The following ITGB1BP1 variants were observed in gnomAD, a reference collection of about 807,000 sequenced individuals.
The protein encoded by ITGB1BP1 is integrin subunit beta 1 binding protein 1.
Under a neutral mutation model 28.0 loss-of-function variants are expected in ITGB1BP1, and 20 were observed. That is an observed-to-expected ratio of 0.71 (90% CI 0.50 to 1.04). The LOEUF (loss-of-function observed/expected upper bound fraction) is 1.04, where lower values mean the gene tolerates loss of function less well. Ranked by LOEUF, ITGB1BP1 falls within the 50% of genes least tolerant of loss-of-function variation. The pLI is 0.00. For synonymous variants in ITGB1BP1, 103 were observed against 89.5 expected (o/e 1.15, Z -0.85); for missense variants, 228 against 242.5 (o/e 0.94, Z 0.40).
chr2:9,420,487 G>C (rs555610721), intron 1 of ITGB1BP1, among the ~76,000 whole-genome samples: 3 of 152,314 alleles, frequency 2.0e-5, no homozygotes, highest in South Asian at 2.1e-4. Context: ...GGAAACCACT[G>C]CTATGAGGAA....
intron 1 of ITGB1BP1, among the ~76,000 whole-genome samples, chr2:9,419,423 GC>G: frequency 6.6e-6 from 1 of 152,246 alleles, no homozygotes; most frequent in African/African-American, 2.4e-5. Flanking sequence ...ACTTGGTAGG[GC>G]TAAGATATAC....
In ITGB1BP1 at chr2:9,405,895, A is replaced by G. The variant is rs1166937311; in HGVS notation, c.*939T>C. ...CTGCTTTGTGTGTCTTAAGTTGGCA[A>G]TGTCACTGTTCCAGACCAGCATGAA... is the stretch of plus-strand genomic sequence containing the variant. On this transcript the variant is annotated 3_prime_UTR_variant, in exon 7 of 7. Coordinates refer to ENST00000355346, the MANE Select transcript of ITGB1BP1 (RefSeq NM_004763.5). 3.3e-5 allele frequency: 5 copies of G among 152,202 alleles called. No homozygotes were observed. Among genetic ancestry groups the G allele is most frequent in the Non-Finnish European group, 7.3e-5 (5 of 68,038 alleles). 9.4% of individuals were successfully genotyped at this position (152,202 alleles called of 1,614,324 possible). A position where few individuals can be genotyped will look rare whatever the true frequency, so the allele number is the denominator to read the frequency against.
At position 9,406,793 on chromosome 2, in the gene ITGB1BP1, T is replaced by G; in HGVS notation, c.*41A>C. 7.4e-7 allele frequency: 1 copy of G among 1,355,718 alleles called. No homozygotes were observed. Among genetic ancestry groups the G allele is most frequent in the Non-Finnish European group, 1.1e-6 (1 of 944,114 alleles). The allele number at this position is 1,355,718 out of a possible 1,614,324, so 84.0% of individuals were successfully genotyped here. On this transcript the variant is annotated 3_prime_UTR_variant, in exon 7 of 7. Transcript: ENST00000355346. ...TTCAGCATTGCAGTTTGAAAACAGC[T>G]GAACTTTCAGATGAAGTTGACTTCT...
chr2:9,418,775 A>AAT, intron 1 of ITGB1BP1, 43 bp from the exon 2 acceptor site: 8 of 1,315,008 alleles, frequency 6.1e-6, no homozygotes, highest in Non-Finnish European at 8.6e-6. Flanking sequence ...GGGAAAAGCA[A>AAT]CTTTTTTTTT....
intron 2 of ITGB1BP1, 22 bp from the exon 3 acceptor site, chr2:9,414,278 A>C (rs1217669519): frequency 1.3e-6 from 2 of 1,595,184 alleles, no homozygotes; most frequent in Non-Finnish European, 1.7e-6. Context: ...AAAAACAAGT[A>C]AAAAACCTCC....
rs1228699625 is a variant in ITGB1BP1, at chr2:9,403,651, G to A, written c.*3183C>T. ...TAAACCTAAAAATGTTTGCATTAAT[G>A]AATAAATTCTTCCTGCATTCCTTGG... On this transcript the variant is annotated 3_prime_UTR_variant, in exon 7 of 7. Coordinates refer to ENST00000355346, the MANE Select transcript of ITGB1BP1 (RefSeq NM_004763.5). 2 of 251,116 alleles carry A rather than the reference G, an allele frequency of 8.0e-6. No individual in the cohort carries two copies. The highest frequency in any genetic ancestry group is 4.5e-5 in the African/African-American group (2 of 44,124). The allele number at this position is 251,116 out of a possible 1,614,324, so 15.6% of individuals were successfully genotyped here. A position where few individuals can be genotyped will look rare whatever the true frequency, so the allele number is the denominator to read the frequency against.
Position 9,406,817 on chromosome 2 carries a change from C to T in ITGB1BP1, c.*17G>A, listed in dbSNP as rs971375897. 6 of 1,571,672 alleles carry T rather than the reference C, an allele frequency of 3.8e-6. No homozygotes were observed. The South Asian group carries it at 4.4e-5, about 12-fold the overall frequency. On this transcript the variant is annotated 3_prime_UTR_variant, in exon 7 of 7. Transcript: ENST00000355346. ...CTGAACTTTCAGATGAAGTTGACTT[C>T]TACTTGATTGCAGGATTCAGGGTTT...
rs996044216 is a variant in ITGB1BP1, at chr2:9,423,463, C to T, written c.-126G>A. On this transcript the variant is annotated 5_prime_UTR_variant, in exon 1 of 7. Coordinates refer to ENST00000355346, the MANE Select transcript of ITGB1BP1 (RefSeq NM_004763.5). ...TGGCGCCCAGGCAGCTACTCCCGTT[C>T]CCGCTCCAGCGCCGGCTTTTCCAGC... 3.5e-5 allele frequency: 41 copies of T among 1,175,504 alleles called. No homozygotes were observed. In the South Asian group the frequency reaches 7.3e-4, roughly 21 times the overall value. 72.8% of individuals were successfully genotyped at this position (1,175,504 alleles called of 1,614,324 possible).
rs1399643058 is a variant in ITGB1BP1 at position 9,423,383 on chromosome 2, C to T, written c.-46G>A. 10 of 1,146,584 alleles carry T rather than the reference C, an allele frequency of 8.7e-6. No individual in the cohort carries two copies. Among genetic ancestry groups the T allele is most frequent in the Non-Finnish European group, 1.1e-5 (10 of 921,496 alleles). 71.0% of individuals were successfully genotyped at this position (1,146,584 alleles called of 1,614,324 possible). Reference sequence around the variant, plus strand: ...GGGCTGGGCGCTCACCTCGCAGCCGCGGGCCCATCCCCGGGTTGCGGACTT... The same window carrying T: ...GGGCTGGGCGCTCACCTCGCAGCCGTGGGCCCATCCCCGGGTTGCGGACTT... On this transcript the variant is annotated 5_prime_UTR_variant, in exon 1 of 7. Transcript: ENST00000355346.
At position 9,412,262 on chromosome 2, in the gene ITGB1BP1, T is replaced by TG. The variant is rs1678528935; in HGVS notation, c.288+6_288+7insC. The stretch of plus-strand genomic sequence containing the variant: ...AACCAGAGAGTTACGGAATTTTTTT[T>TG]TTTTACCTGGGCAACGTCTATATAA... On this transcript the variant is annotated splice_region_variant and intron_variant, in intron 4 of 6. Transcript: ENST00000355346. 6.2e-7 allele frequency: 1 copy of TG among 1,605,116 alleles called. No homozygotes were observed. Among genetic ancestry groups the TG allele is most frequent in the South Asian group, 1.1e-5 (1 of 89,536 alleles).
At chr2:9,422,339 C>A in intron 1 of ITGB1BP1, 1 of 927,776 alleles carries the variant, frequency 1.1e-6, no homozygotes, top group Non-Finnish European at 1.3e-6. Flanking sequence ...CTTTCCACTT[C>A]CATCCTCCAC....
chr2:9,423,108 C>G, intron 1 of ITGB1BP1: 1 of 1,012,682 alleles, frequency 9.9e-7, no homozygotes, highest in Non-Finnish European at 1.2e-6. Context: ...CCCGCGGCCG[C>G]CCGCCTTGCC....
chr2:9,416,000 G>T lies in ITGB1BP1; in HGVS notation c.73-1744C>A, dbSNP rs763822278. Among the ~76,000 whole-genome samples the T allele has an allele frequency of 2.0e-5, 3 of 152,228 alleles. No homozygotes were observed. Among genetic ancestry groups the T allele is most frequent in the Non-Finnish European group, 1.5e-5 (1 of 68,032 alleles). On this transcript the variant is annotated intron_variant, in intron 2 of 6. Transcript: ENST00000355346. The surrounding 1 kb of genome is among the most constrained non-coding windows in gnomAD (Gnocchi z 4.1). ...GACCCTGCGAGACGCCTCCTTCTGTGCTGTGCCTCACCCCGGTCCTGGGAC... is the reference window on the plus strand; with the variant it reads ...GACCCTGCGAGACGCCTCCTTCTGTTCTGTGCCTCACCCCGGTCCTGGGAC...
Position 9,403,667 on chromosome 2 carries a change from C to A in ITGB1BP1, c.*3167G>T. 1 of 229,648 alleles carries A rather than the reference C, an allele frequency of 4.4e-6. No homozygotes were observed. Among genetic ancestry groups the A allele is most frequent in the Non-Finnish European group, 8.6e-6 (1 of 116,752 alleles). 14.2% of individuals were successfully genotyped at this position (229,648 alleles called of 1,614,324 possible). A position where few individuals can be genotyped will look rare whatever the true frequency, so the allele number is the denominator to read the frequency against. On this transcript the variant is annotated 3_prime_UTR_variant, in exon 7 of 7. Coordinates refer to ENST00000355346, the MANE Select transcript of ITGB1BP1 (RefSeq NM_004763.5). ...TGCATTAATGAATAAATTCTTCCTG[C>A]ATTCCTTGGCCCAGTTCTGGAGTTG...
chr2:9,406,682 T>C lies in ITGB1BP1; in HGVS notation c.*152A>G. On this transcript the variant is annotated 3_prime_UTR_variant, in exon 7 of 7. Transcript: ENST00000355346. ...AACTCACTGTGTAATAGGACACATT[T>C]TAATAAACAAATGATCAGCATTTTA... 4 of 648,354 alleles carry C rather than the reference T, an allele frequency of 6.2e-6. No individual in the cohort carries two copies. The South Asian group carries it at 7.4e-5, about 12-fold the overall frequency. 40.2% of individuals were successfully genotyped at this position (648,354 alleles called of 1,614,324 possible). A position where few individuals can be genotyped will look rare whatever the true frequency, so the allele number is the denominator to read the frequency against.
In ITGB1BP1 at chr2:9,412,382, T is replaced by A. The variant is rs768281217; in HGVS notation, c.175A>T (p.Thr59Ser). Residue 59 changes from threonine to serine, a missense_variant, in exon 4 of 7, where the codon ACC becomes TCC. Thr to Ser is a moderately conservative substitution (Grantham distance 58). Around this residue, in one of 2 missense-constraint regions of ITGB1BP1, gnomAD observed 192 missense variants for 181.6 expected, o/e 1.06. Coordinates refer to ENST00000355346, the MANE Select transcript of ITGB1BP1 (RefSeq NM_004763.5). ...TATTTTATTCGAAATTCTGCACAGG[T>A]ATCTGAATTATTGTTGCTTTGTCCT... ...SSGQSNNNSD[T>S]CAEFRIKYVG... 4 of 1,608,374 alleles carry A rather than the reference T, an allele frequency of 2.5e-6. No individual in the cohort carries two copies. The East Asian group carries it at 8.9e-5, about 36-fold the overall frequency.
chr2:9,408,355 G>T, intron 4 of ITGB1BP1, 150 bp from the exon 5 acceptor site: 1 of 600,052 alleles, frequency 1.7e-6, no homozygotes, highest in East Asian at 2.8e-5. Context: ...CTCTCTCCCA[G>T]AGGCAGAAGA....
At chr2:9,409,841 C>CTTTTTT (rs1036594187) in intron 4 of ITGB1BP1, among the ~76,000 whole-genome samples, 5 of 123,170 alleles carry the variant, frequency 4.1e-5, no homozygotes, top group Non-Finnish European at 6.7e-5. Flanking sequence ...ACCGTGAGTT[C>CTTTTTT]TTTTTTTTTT....
Position 9,406,868 on chromosome 2 carries a change from G to C in ITGB1BP1, c.569C>G (p.Ala190Gly). 6.2e-7 allele frequency: 1 copy of C among 1,613,486 alleles called. No individual in the cohort carries two copies. Among genetic ancestry groups the C allele is most frequent in the South Asian group, 1.1e-5 (1 of 91,062 alleles). ...CTCAGATGTTAATACAGAGTCAAAA[G>C]CGGTGGATAAAACCTTGCAAATGGC... ...AQAICKVLST[A>G]FDSVLTSEKP Residue 190 changes from alanine (A) to glycine (G), a missense_variant, in exon 7 of 7, where the codon GCT becomes GGT. Physicochemically the swap from Ala to Gly is moderately conservative, Grantham distance 60 (BLOSUM62 0). Transcript: ENST00000355346.
Sources: allele counts gnomAD v4.1 joint callset (sites outside exome capture counted in the v4.1 genomes callset), GRCh38; gene constraint gnomAD v4.1.1; regional missense constraint gnomAD v4.1.1; non-coding constraint Gnocchi (gnomAD v3.1); transcripts MANE v1.5; gene names NCBI Gene and HGNC (gene_info 2026-07-23, HGNC 2026-07-21).